The following SORCS1 variants were observed in gnomAD, a reference collection of about 807,000 sequenced individuals.
SORCS1 encodes the protein VPS10 domain-containing receptor SorCS1.
Under a neutral mutation model 146.1 loss-of-function variants are expected in SORCS1, and 60 were observed. The observed-to-expected ratio is 0.41, with a 90% confidence interval of 0.33 to 0.51. SORCS1 has a LOEUF of 0.51. Ranked by LOEUF, SORCS1 falls within the 20% of genes least tolerant of loss-of-function variation. SORCS1 has a pLI of 0.21. For synonymous variants in SORCS1, 637 were observed against 584.0 expected, an observed-to-expected ratio of 1.09 and a Z score of -1.31; for missense variants, 1,352 against 1,487.6, an observed-to-expected ratio of 0.91 and a Z score of 1.50.
At chr10:106,716,482 C>A (rs1855381504) in intron 6 of SORCS1, among the ~76,000 whole-genome samples, 1 of 152,130 alleles carries the variant, frequency 6.6e-6, no homozygotes, top group Non-Finnish European at 1.5e-5. Flanking sequence ...CCACTGAAAC[C>A]TGTTTCCTTC....
intron 2 of SORCS1, among the ~76,000 whole-genome samples, chr10:106,901,603 G>C (rs1308063951): frequency 6.6e-6 from 1 of 151,944 alleles, no homozygotes; most frequent in African/African-American, 2.4e-5. Context: ...CTGGCTAATT[G>C]TTTTGTATTT....
At chr10:106,610,350 T>G (rs1373895251) in intron 22 of SORCS1, among the ~76,000 whole-genome samples, 1 of 152,216 alleles carries the variant, frequency 6.6e-6, no homozygotes, top group Admixed American at 6.5e-5. Context: ...TAACCTAATA[T>G]CTCTGAGTTT....
intron 24 of SORCS1, among the ~76,000 whole-genome samples, chr10:106,580,768 T>C (rs1844854652): frequency 6.6e-6 from 1 of 152,200 alleles, no homozygotes; most frequent in African/African-American, 2.4e-5. Context: ...CTTTTCAGGA[T>C]TACATCTCGG....
At chr10:106,817,516 T>G (rs1395642146) in intron 3 of SORCS1, among the ~76,000 whole-genome samples, 1 of 152,192 alleles carries the variant, frequency 6.6e-6, no homozygotes, top group Non-Finnish European at 1.5e-5. Context: ...CACCCACTCC[T>G]GTGATCCAGA....
intron 8 of SORCS1, 39 bp from the exon 9 acceptor site, chr10:106,699,432 T>C (rs771947431): frequency 1.3e-6 from 2 of 1,546,074 alleles, no homozygotes; most frequent in Non-Finnish European, 1.7e-6. Flanking sequence ...GGAAAAAGAG[T>C]TTTATACATT....
chr10:107,087,629 T>A (rs977008016), intron 1 of SORCS1, among the ~76,000 whole-genome samples: 2 of 152,074 alleles, frequency 1.3e-5, no homozygotes, highest in Admixed American at 1.3e-4. Flanking sequence ...ACAGCAATAG[T>A]GAAGATAAAG....
At chr10:106,870,736 T>C (rs1213260355) in intron 2 of SORCS1, among the ~76,000 whole-genome samples, 3 of 152,190 alleles carry the variant, frequency 2.0e-5, no homozygotes, top group Admixed American at 6.5e-5. Flanking sequence ...ATAGAAATCT[T>C]GGAAGACAAC....
At chr10:106,955,165 TG>T (rs1316016905) in intron 2 of SORCS1, among the ~76,000 whole-genome samples, 1 of 152,232 alleles carries the variant, frequency 6.6e-6, no homozygotes, top group African/African-American at 2.4e-5. Context: ...ATGACCCTTC[TG>T]GGGGCCTAGA....
At position 106,573,703 on chromosome 10, in the gene SORCS1, T is replaced by C. The variant is rs1049759826; in HGVS notation, c.*3717A>G. 45 of 152,256 alleles carry C rather than the reference T, an allele frequency of 3.0e-4. No homozygotes were observed. Among genetic ancestry groups the C allele is most frequent in the African/African-American group, 1.1e-3 (44 of 41,466 alleles). The allele number at this position is 152,256 out of a possible 1,614,324, so 9.4% of individuals were successfully genotyped here. A position where few individuals can be genotyped will look rare whatever the true frequency, so the allele number is the denominator to read the frequency against. On this transcript the variant is annotated 3_prime_UTR_variant, in exon 26 of 26. Coordinates refer to ENST00000263054, the MANE Select transcript of SORCS1 (RefSeq NM_052918.5). ...AGTAATTTAATAAACAGACATTGTATAGTTAATTGAAATGCAGGTAGAATT... is the reference window on the plus strand; with the variant it reads ...AGTAATTTAATAAACAGACATTGTACAGTTAATTGAAATGCAGGTAGAATT...
intron 2 of SORCS1, among the ~76,000 whole-genome samples, chr10:106,847,563 G>GT (rs1276184936): frequency 1.4e-4 from 5 of 34,588 alleles, no homozygotes; most frequent in African/African-American, 4.7e-4. Context: ...TTTTTGAAGG[G>GT]TTTTTTGTGT....
intron 2 of SORCS1, among the ~76,000 whole-genome samples, chr10:106,945,473 T>C (rs1954289893): frequency 6.6e-6 from 1 of 152,206 alleles, no homozygotes; most frequent in South Asian, 2.1e-4. Flanking sequence ...GAAAGCCTTC[T>C]GAGGAACTAT....
chr10:106,652,465 G>A lies in SORCS1; in HGVS notation c.2392C>T (p.Arg798Trp), dbSNP rs922485497. The A allele has an allele frequency of 2.4e-5, 38 of 1,613,912 alleles. No individual in the cohort carries two copies. The highest frequency in any genetic ancestry group is 5.3e-5 in the African/African-American group (4 of 74,894). Residue 798 changes from arginine to tryptophan, a missense_variant, in exon 18 of 26, where the codon CGG becomes TGG. Coordinates refer to ENST00000263054, the MANE Select transcript of SORCS1 (RefSeq NM_052918.5). ...TCAGCCGTGACTATCCGCAGCCCCC[G>A]CGGGGCTTTCCCTGGGCACTTCTGC... ...KPQKCPGKAP[R>W]GLRIVTADGK...
At chr10:107,078,915 G>A (rs1176644917) in intron 1 of SORCS1, among the ~76,000 whole-genome samples, 3 of 152,176 alleles carry the variant, frequency 2.0e-5, no homozygotes, top group East Asian at 3.9e-4. Context: ...TACTCAAGGA[G>A]TTAACTGCTT....
intron 1 of SORCS1, among the ~76,000 whole-genome samples, chr10:107,103,788 A>G (rs1965113189): frequency 6.6e-6 from 1 of 152,206 alleles, no homozygotes. Context: ...GGAATCCAGT[A>G]GCCATTATAA....
intron 16 of SORCS1, among the ~76,000 whole-genome samples, chr10:106,671,000 G>A (rs1338490001): frequency 6.6e-6 from 1 of 152,056 alleles, no homozygotes; most frequent in Non-Finnish European, 1.5e-5. Flanking sequence ...GGCCAAATCT[G>A]CCGGTAATGA....
intron 1 of SORCS1, among the ~76,000 whole-genome samples, chr10:107,023,838 A>G (rs1415426653): frequency 6.6e-6 from 1 of 152,182 alleles, no homozygotes; most frequent in Non-Finnish European, 1.5e-5. Context: ...AGCCACATCA[A>G]TGTCACCTGG....
In SORCS1 at chr10:106,595,672, T is replaced by C. The variant is rs939872043; in HGVS notation, c.3265+1679A>G. ...AGCCTGCTTGGCCTTCCGCTAGACC[T>C]AGCAGAGCCTCGTGAAATCTCCAGG... On this transcript the variant is annotated intron_variant, in intron 24 of 25. Transcript: ENST00000263054. Among the ~76,000 whole-genome samples, 5 of 152,184 alleles carry C rather than the reference T, an allele frequency of 3.3e-5. No individual in the cohort carries two copies. In the East Asian group the frequency reaches 9.6e-4, roughly 29 times the overall value.
intron 18 of SORCS1, among the ~76,000 whole-genome samples, chr10:106,651,792 A>G (rs1188400337): frequency 1.3e-5 from 2 of 152,368 alleles, no homozygotes; most frequent in East Asian, 3.9e-4. Flanking sequence ...GATAAATTTC[A>G]TCTTATCCAC....
intron 5 of SORCS1, among the ~76,000 whole-genome samples, chr10:106,757,404 A>G (rs1219507589): frequency 1.3e-5 from 2 of 152,172 alleles, no homozygotes; most frequent in Admixed American, 6.5e-5. Context: ...TCTTTTAACT[A>G]CGCTTGCTGA....
Sources: allele counts gnomAD v4.1 joint callset (sites outside exome capture counted in the v4.1 genomes callset), GRCh38; gene constraint gnomAD v4.1.1; transcripts MANE v1.5; gene names NCBI Gene and HGNC (gene_info 2026-07-23, HGNC 2026-07-21).